The following SASH1 variants were observed in gnomAD, a reference collection of about 807,000 sequenced individuals.
The protein encoded by SASH1 is SAM and SH3 domain containing 1.
Under a neutral mutation model 125.2 loss-of-function variants are expected in SASH1, and 44 were observed. The observed-to-expected ratio is 0.35, with a 90% CI of 0.28 to 0.45. The LOEUF (loss-of-function observed/expected upper bound fraction) is 0.45. Ranked by LOEUF, SASH1 falls within the 20% of genes least tolerant of loss-of-function variation. SASH1 has a pLI of 1.00. For synonymous variants in SASH1, 639 were observed against 649.1 expected, an observed-to-expected ratio of 0.98 and a Z score of 0.24; for missense variants, 1,426 against 1,614.5, an observed-to-expected ratio of 0.88 and a Z score of 2.00.
chr6:148,527,375 G>C (rs1472674611), intron 11 of SASH1, 78 bp from the exon 12 acceptor site: 1 of 1,289,894 alleles, frequency 7.8e-7, no homozygotes, highest in African/African-American at 1.5e-5. Flanking sequence ...CTGAGAGCTA[G>C]GATGTTAATG....
intron 9 of SASH1, 140 bp downstream of exon 9, chr6:148,514,596 C>A: frequency 9.3e-7 from 1 of 1,080,234 alleles, no homozygotes; most frequent in Non-Finnish European, 1.3e-6. Context: ...CTGAATCTGG[C>A]AGGACTATGC....
At chr6:148,229,297 ATAAAAGACT>A in the SASH1 span, among the ~76,000 whole-genome samples, 10 of 152,198 alleles carry the variant, frequency 6.6e-5, no homozygotes, top group Admixed American at 2.0e-4. Flanking sequence ...AACAACTCAC[ATAAAAGACT>A]TGGGGAGGGT....
intron 1 of SASH1, among the ~76,000 whole-genome samples, chr6:148,297,755 G>C (rs1488059657): frequency 6.6e-6 from 1 of 151,980 alleles, no homozygotes; most frequent in East Asian, 2.0e-4. Context: ...GCTTGAACCT[G>C]GGAGGCAGAG....
chr6:148,399,214 C>CTTTTTTTTTTTT (rs371374910), intron 2 of SASH1, among the ~76,000 whole-genome samples: 19 of 106,672 alleles, frequency 1.8e-4, no homozygotes, highest in African/African-American at 7.0e-4. Flanking sequence ...ATTTCAGCTT[C>CTTTTTTTTTTTT]TTTTTTTTTT....
intron 1 of SASH1, among the ~76,000 whole-genome samples, chr6:148,321,387 T>C (rs1780629779): frequency 1.9e-5 from 1 of 53,454 alleles, no homozygotes; most frequent in Non-Finnish European, 3.7e-5. Context: ...TGAAACTCTG[T>C]CTTAAAAAAA....
rs1319339941 is a variant in SASH1 at position 148,548,577 on chromosome 6, T to C, written c.*19T>C. The C allele has an allele frequency of 1.3e-6, 2 of 1,569,962 alleles. No homozygotes were observed. The highest frequency in any genetic ancestry group is 3.8e-5 in the Admixed American group (2 of 53,204). On this transcript the variant is annotated 3_prime_UTR_variant, in exon 20 of 20. Transcript: ENST00000367467. ...CATGTAGCCAGGCCCGGAATGGGCC[T>C]CTCTGGACAAGAGCCACCCTTTCAC...
chr6:148,271,476 G>T (rs1396976007), upstream of SASH1, among the ~76,000 whole-genome samples: 3 of 152,166 alleles, frequency 2.0e-5, no homozygotes, highest in Middle Eastern at 3.2e-3. Flanking sequence ...ACTTACTTGT[G>T]TAGGGAAGTG....
intron 16 of SASH1, among the ~76,000 whole-genome samples, chr6:148,539,290 G>C (rs1015022476): frequency 1.3e-5 from 2 of 151,906 alleles, no homozygotes; most frequent in Non-Finnish European, 2.9e-5. Flanking sequence ...TGAGATTTTA[G>C]TGCACCCATC....
At chr6:148,507,401 CGCTCTGTCGCCCAA>C (rs1350527980) in intron 8 of SASH1, among the ~76,000 whole-genome samples, 1 of 141,464 alleles carries the variant, frequency 7.1e-6, no homozygotes, top group Non-Finnish European at 1.6e-5. Context: ...GATGGAGTCT[CGCTCTGTCGCCCAA>C]GCTGGAGTGC....
chr6:148,401,015 C>A (rs1171602344), intron 2 of SASH1, among the ~76,000 whole-genome samples: 1 of 152,084 alleles, frequency 6.6e-6, no homozygotes, highest in Non-Finnish European at 1.5e-5. Flanking sequence ...GAGGCCAAGG[C>A]TGGTGGATCG....
chr6:148,399,643 A>G (rs1784096542), intron 2 of SASH1, among the ~76,000 whole-genome samples: 1 of 152,230 alleles, frequency 6.6e-6, no homozygotes, highest in Non-Finnish European at 1.5e-5. Context: ...CAAAAAGGAA[A>G]AAGTCTGAGC....
At position 148,533,887 on chromosome 6, in the gene SASH1, G is replaced by A. The variant is rs1011435601; in HGVS notation, c.1851G>A (p.Glu617=). The change falls in exon 15 of 20, where the codon GAG becomes GAA. Residue 617 remains glutamate (E), a synonymous_variant. Coordinates refer to ENST00000367467, the MANE Select transcript of SASH1 (RefSeq NM_015278.5). This position sits in a 1 kb window ranked among gnomAD's most constrained non-coding sequence, Gnocchi z 6.2. ...ACGTGGACGTGCTCAGTGAAGACGAGGAGAAACCCAAACGCCCCACCAGGA... is the reference window on the plus strand; with the variant it reads ...ACGTGGACGTGCTCAGTGAAGACGAAGAGAAACCCAAACGCCCCACCAGGA... ...FIYVDVLSED[E]EKPKRPTRRR... The A allele has an allele frequency of 1.9e-6, 3 of 1,613,954 alleles. No individual in the cohort carries two copies. The African/African-American group carries it at 4.0e-5, about 22-fold the overall frequency.
At chr6:148,318,715 G>A (rs898260857) in intron 1 of SASH1, among the ~76,000 whole-genome samples, 7 of 149,564 alleles carry the variant, frequency 4.7e-5, no homozygotes, top group African/African-American at 1.7e-4. Context: ...ACCACGCTCA[G>A]CTAATTTTTA....
chr6:148,348,345 C>T (rs941570138), intron 1 of SASH1, among the ~76,000 whole-genome samples: 2 of 152,176 alleles, frequency 1.3e-5, no homozygotes, highest in Non-Finnish European at 2.9e-5. Context: ...CTAAAGGAGA[C>T]CCCTTAAGCT....
the SASH1 span, among the ~76,000 whole-genome samples, chr6:148,198,647 G>A: frequency 6.6e-6 from 1 of 152,214 alleles, no homozygotes; most frequent in African/African-American, 2.4e-5. Flanking sequence ...TGTTTAGACT[G>A]ACAGGTCTTA....
intron 7 of SASH1, among the ~76,000 whole-genome samples, chr6:148,482,793 A>G (rs1320298583): frequency 6.6e-6 from 1 of 150,954 alleles, no homozygotes; most frequent in Admixed American, 6.7e-5. Flanking sequence ...GGTTCAAGCA[A>G]TTCTCCTGCC....
In SASH1 at chr6:148,536,782, T is replaced by C. The variant is rs148611588; in HGVS notation, c.2095+1881T>C. On this transcript the variant is annotated intron_variant, in intron 16 of 19. Transcript: ENST00000367467. Reference sequence around the variant, plus strand: ...TTTGGCTGAGACCCATCATTCCTCCTGGGATCACATCCTGAGATTTTTGTA... The same window carrying C: ...TTTGGCTGAGACCCATCATTCCTCCCGGGATCACATCCTGAGATTTTTGTA... Among the ~76,000 whole-genome samples, 718 of 152,332 alleles carry C rather than the reference T, an allele frequency of 4.7e-3. 7 individuals are homozygous for C. The highest frequency in any genetic ancestry group is 0.016 in the African/African-American group (674 of 41,582).
chr6:148,288,302 C>T (rs957506994), intron 1 of SASH1, among the ~76,000 whole-genome samples: 11 of 152,278 alleles, frequency 7.2e-5, no homozygotes, highest in Non-Finnish European at 1.5e-4. Context: ...CCCTCATTAC[C>T]GTCTCCTACA....
chr6:148,426,441 G>A (rs1295086993), intron 2 of SASH1, among the ~76,000 whole-genome samples: 1 of 152,060 alleles, frequency 6.6e-6, no homozygotes, highest in Admixed American at 6.5e-5. Flanking sequence ...TTGATCCTGA[G>A]TATTTGATAC....
Sources: gnomAD v4.1 joint callset for allele counts (sites outside exome capture counted in the v4.1 genomes callset) on GRCh38, gnomAD v4.1.1 for gene constraint, Gnocchi (gnomAD v3.1) non-coding constraint, MANE v1.5 for transcripts, NCBI Gene and HGNC (gene_info 2026-07-23, HGNC 2026-07-21) for gene names.